The following MAGI1 variants were observed in gnomAD, a reference collection of about 807,000 sequenced individuals.
MAGI1 encodes membrane associated guanylate kinase, WW and PDZ domain containing 1.
MAGI1 carries 58 observed loss-of-function variants against 139.9 expected under a neutral mutation model. That is an observed-to-expected ratio of 0.41 (90% CI 0.34 to 0.52). The LOEUF (loss-of-function observed/expected upper bound fraction) is 0.52. MAGI1 is among the 20% of genes least tolerant of loss of function. The pLI is 0.12. For missense variants in MAGI1, 1,874 were observed against 1,901.6 expected (o/e 0.99, Z 0.27); for synonymous variants, 812 against 737.9 (o/e 1.10, Z -1.63).
At chr3:65,529,530 C>T (rs901205948) in intron 2 of MAGI1, among the ~76,000 whole-genome samples, 6 of 152,134 alleles carry the variant, frequency 3.9e-5, no homozygotes, top group African/African-American at 9.7e-5. Flanking sequence ...TGGCATGTAT[C>T]GGTACTTAAT....
At chr3:65,921,151 T>C (rs1168289973) in intron 1 of MAGI1, among the ~76,000 whole-genome samples, 1 of 152,182 alleles carries the variant, frequency 6.6e-6, no homozygotes, top group Non-Finnish European at 1.5e-5. Context: ...TCTTGACTTT[T>C]ACTATCATTT....
intron 1 of MAGI1, among the ~76,000 whole-genome samples, chr3:65,996,470 A>C (rs1439827541): frequency 6.6e-6 from 1 of 150,648 alleles, no homozygotes; most frequent in Non-Finnish European, 1.5e-5. Context: ...ACAGCTGCCA[A>C]ATGGCAAGTA....
At chr3:65,982,594 G>A (rs562119821) in intron 1 of MAGI1, among the ~76,000 whole-genome samples, 2 of 152,256 alleles carry the variant, frequency 1.3e-5, no homozygotes, top group Admixed American at 1.3e-4. Flanking sequence ...TATGCCACGT[G>A]GAGTGACTGC....
intron 1 of MAGI1, among the ~76,000 whole-genome samples, chr3:65,735,216 A>AACAT (rs2107753051): frequency 6.6e-6 from 1 of 152,300 alleles, no homozygotes; most frequent in Non-Finnish European, 1.5e-5. Context: ...AGAGCCATGT[A>AACAT]GACTGCTTTA....
intron 2 of MAGI1, among the ~76,000 whole-genome samples, chr3:65,610,755 A>ATATATATATGC (rs2083019111): frequency 2.8e-5 from 4 of 143,416 alleles, no homozygotes; most frequent in African/African-American, 1.0e-4. Flanking sequence ...TATATACAGT[A>ATATATATATGC]TATATATAGC....
chr3:66,037,134 A>C (rs920000232), intron 1 of MAGI1, among the ~76,000 whole-genome samples: 1 of 152,164 alleles, frequency 6.6e-6, no homozygotes, highest in African/African-American at 2.4e-5. Flanking sequence ...TGAGCAAGTC[A>C]CTTAACCAGT....
intron 1 of MAGI1, among the ~76,000 whole-genome samples, chr3:65,639,202 T>C (rs1483645841): frequency 6.6e-6 from 1 of 152,248 alleles, no homozygotes; most frequent in Non-Finnish European, 1.5e-5. Flanking sequence ...GCCCCTTATA[T>C]ATCCCTCATA....
At chr3:65,429,374 A>G (rs1258824650) in intron 12 of MAGI1, 146 bp downstream of exon 12, 1 of 794,458 alleles carries the variant, frequency 1.3e-6, no homozygotes. Flanking sequence ...TTTATGCTAA[A>G]GAGGTTAGTA....
chr3:65,389,813 A>G (rs906420019), intron 14 of MAGI1, among the ~76,000 whole-genome samples: 1 of 152,216 alleles, frequency 6.6e-6, no homozygotes, highest in Non-Finnish European at 1.5e-5. Flanking sequence ...ACTTGTAGCC[A>G]AAACAGCCTA....
intron 1 of MAGI1, among the ~76,000 whole-genome samples, chr3:65,945,631 C>G (rs1254363682): frequency 6.6e-6 from 1 of 152,198 alleles, no homozygotes; most frequent in African/African-American, 2.4e-5. Context: ...GTGTTCAACT[C>G]TTTTCCAAAT....
chr3:65,963,313 T>TAAAAAAAA lies in MAGI1; in HGVS notation c.313+74675_313+74682dup, dbSNP rs760893715. Reference sequence around the variant, plus strand: ...GTCAACAGAGCGAGACTCTGTCTCTTAAAAAAAAAAAAAAAGTAGCTCGGC... The same window carrying TAAAAAAAA: ...GTCAACAGAGCGAGACTCTGTCTCTTAAAAAAAAAAAAAAAAAAAAAAAGTAGCTCGGC... On this transcript the variant is annotated intron_variant, in intron 1 of 22. Transcript: ENST00000402939. 4.8e-5 allele frequency among the ~76,000 whole-genome samples: 5 copies of TAAAAAAAA among 104,220 alleles called. 1 individual carries two copies. The highest frequency in any genetic ancestry group is 7.2e-5 in the Non-Finnish European group (4 of 55,396). The allele number at this position is 104,220 out of a possible 152,430, so 68.4% of individuals were successfully genotyped here.
intron 12 of MAGI1, among the ~76,000 whole-genome samples, chr3:65,406,969 A>G (rs1332540859): frequency 6.6e-6 from 1 of 152,190 alleles, no homozygotes; most frequent in Admixed American, 6.5e-5. Context: ...ACAATCTCAG[A>G]CCACATGAGC....
chr3:65,731,766 A>G (rs1373408951), intron 1 of MAGI1, among the ~76,000 whole-genome samples: 1 of 152,152 alleles, frequency 6.6e-6, no homozygotes, highest in Non-Finnish European at 1.5e-5. Context: ...ATTCAGCCTA[A>G]AAGCAAGCTG....
intron 1 of MAGI1, among the ~76,000 whole-genome samples, chr3:65,898,403 G>A (rs553541923): frequency 1.2e-4 from 18 of 152,170 alleles, no homozygotes; most frequent in East Asian, 5.8e-4. Flanking sequence ...TAAAAAGTAG[G>A]CATTTACTTG....
intron 2 of MAGI1, among the ~76,000 whole-genome samples, chr3:65,517,321 G>C (rs1198086242): frequency 6.6e-6 from 1 of 152,078 alleles, no homozygotes; most frequent in Admixed American, 6.5e-5. Flanking sequence ...TCTTGGTAAA[G>C]AGCTTCCTAA....
chr3:65,606,298 T>A (rs777934968), intron 2 of MAGI1, among the ~76,000 whole-genome samples: 14 of 152,130 alleles, frequency 9.2e-5, no homozygotes, highest in Non-Finnish European at 1.5e-4. Flanking sequence ...CTCAGTGCCC[T>A]GAAGGTTATT....
chr3:65,782,819 G>A (rs943537942), intron 1 of MAGI1, among the ~76,000 whole-genome samples: 1 of 151,008 alleles, frequency 6.6e-6, no homozygotes, highest in Non-Finnish European at 1.5e-5. Context: ...CACAACCTTT[G>A]AGCCAGACAC....
At chr3:65,883,523 G>T (rs746611452) in intron 1 of MAGI1, among the ~76,000 whole-genome samples, 30 of 152,170 alleles carry the variant, frequency 2.0e-4, no homozygotes, top group Non-Finnish European at 2.1e-4. Context: ...ACAGAAACTG[G>T]CAATTTGCTA....
At chr3:65,654,313 T>C (rs2085744582) in intron 1 of MAGI1, among the ~76,000 whole-genome samples, 3 of 152,154 alleles carry the variant, frequency 2.0e-5, no homozygotes, top group Admixed American at 2.0e-4. Context: ...CAATCATCTC[T>C]AAGGTTTTTA....
Sources: gnomAD v4.1 joint callset for allele counts (sites outside exome capture counted in the v4.1 genomes callset) on GRCh38, gnomAD v4.1.1 for gene constraint, MANE v1.5 for transcripts, NCBI Gene and HGNC (gene_info 2026-07-23, HGNC 2026-07-21) for gene names.